CSMD3: variants seen among roughly 807,000 people sequenced by gnomAD.
CSMD3 encodes the protein CUB and Sushi multiple domains 3.
A neutral mutation model predicts 435.2 loss-of-function variants in CSMD3; 177 were observed. That is an observed-to-expected ratio of 0.41 (90% CI 0.36 to 0.46). The LOEUF (loss-of-function observed/expected upper bound fraction) is 0.46, where lower values mean the gene tolerates loss of function less well. Ranked by LOEUF, CSMD3 falls within the 20% of genes least tolerant of loss-of-function variation. The probability of loss-of-function intolerance (pLI) is 0.34; values close to 1 mark genes in which losing one functional copy is unlikely to be tolerated. For missense variants in CSMD3, 4,265 were observed against 4,504.6 expected (o/e 0.95, Z 1.52); for synonymous variants, 1,656 against 1,520.5 (o/e 1.09, Z -2.07).
chr8:112,899,742 A>G (rs2082057827), intron 10 of CSMD3, among the ~76,000 whole-genome samples: 1 of 146,286 alleles, frequency 6.8e-6, no homozygotes, highest in Non-Finnish European at 1.5e-5. Flanking sequence ...ATTCTCCTTC[A>G]GGTAGGGACA....
chr8:113,368,562 T>G lies in CSMD3; in HGVS notation c.179-53769A>C, dbSNP rs116906031. ...TGTTAATGTGTTACCTTTCCTTATA[T>G]ATCACATTATCTTCCTAAAAACTCA... is the stretch of plus-strand genomic sequence containing the variant. On this transcript the variant is annotated intron_variant, in intron 1 of 70. Transcript: ENST00000297405. Among the ~76,000 whole-genome samples the G allele has an allele frequency of 6.2e-3, 949 of 152,248 alleles. 6 individuals carry two copies. The highest frequency in any genetic ancestry group is 8.9e-3 in the Non-Finnish European group (604 of 68,004).
chr8:113,005,395 C>A (rs534334898), intron 6 of CSMD3, among the ~76,000 whole-genome samples: 117 of 151,762 alleles, frequency 7.7e-4, no homozygotes, highest in Non-Finnish European at 1.4e-3. Context: ...AAATTAAGGC[C>A]ATATAGAATC....
intron 12 of CSMD3, among the ~76,000 whole-genome samples, chr8:112,818,038 T>C (rs1030203533): frequency 1.6e-4 from 25 of 151,844 alleles, no homozygotes; most frequent in African/African-American, 5.3e-4. Flanking sequence ...GCTTTGTAAC[T>C]GATTTTTTTT....
At chr8:112,390,478 C>A (rs1386843440) in intron 36 of CSMD3, among the ~76,000 whole-genome samples, 186 bp downstream of exon 36, 1 of 151,986 alleles carries the variant, frequency 6.6e-6, no homozygotes, top group Admixed American at 6.6e-5. Flanking sequence ...ATTGCTTATG[C>A]CATCTTGAAT....
chr8:112,974,681 A>ATT (rs1227102844), intron 7 of CSMD3, among the ~76,000 whole-genome samples: 2 of 151,862 alleles, frequency 1.3e-5, no homozygotes, highest in African/African-American at 4.8e-5. Flanking sequence ...TTAAAAATTC[A>ATT]TTTTAGAATG....
chr8:112,324,727 C>A (rs1823332646), intron 45 of CSMD3, among the ~76,000 whole-genome samples: 1 of 151,822 alleles, frequency 6.6e-6, no homozygotes, highest in Non-Finnish European at 1.5e-5. Flanking sequence ...AAGCTGAGAC[C>A]AATGGGAGGC....
chr8:112,527,935 C>T (rs1825140855), intron 27 of CSMD3, among the ~76,000 whole-genome samples: 1 of 152,088 alleles, frequency 6.6e-6, no homozygotes. Flanking sequence ...GGCATATTAA[C>T]ACTCTTCATA....
chr8:112,921,655 A>C lies in CSMD3; in HGVS notation c.1605T>G (p.Ala535=). ...TACACACAGGCCTGTGATCACTCCA[A>C]GCAGCAAAAACTTCAGCTATCCGTT... The part of the protein sequence containing the change: ...TCQRIAEVFA[A]WSDHRPVCKV... Residue 535 remains alanine (A), a synonymous_variant, in exon 10 of 71, where the codon GCT becomes GCG. Transcript: ENST00000297405. 6.2e-7 allele frequency: 1 copy of C among 1,612,968 alleles called. No individual in the cohort carries two copies. The highest frequency in any genetic ancestry group is 8.5e-7 in the Non-Finnish European group (1 of 1,179,198).
intron 1 of CSMD3, among the ~76,000 whole-genome samples, chr8:113,326,981 T>C (rs1039864419): frequency 2.6e-5 from 4 of 152,168 alleles, no homozygotes; most frequent in African/African-American, 9.6e-5. Flanking sequence ...TGTACCTAAG[T>C]TTGAAAGTTT....
chr8:112,363,801 A>G (rs948409458), intron 38 of CSMD3, among the ~76,000 whole-genome samples: 1 of 152,078 alleles, frequency 6.6e-6, no homozygotes, highest in Non-Finnish European at 1.5e-5. Context: ...ATAAAGATCA[A>G]TTACACTTAT....
intron 13 of CSMD3, among the ~76,000 whole-genome samples, chr8:112,739,195 A>C (rs187107683): frequency 6.6e-6 from 1 of 151,636 alleles, no homozygotes; most frequent in African/African-American, 2.4e-5. Flanking sequence ...GAAATAGAAA[A>C]CCCACTCTTT....
intron 3 of CSMD3, among the ~76,000 whole-genome samples, chr8:113,182,674 A>T (rs2092439426): frequency 6.6e-6 from 1 of 152,064 alleles, no homozygotes; most frequent in East Asian, 1.9e-4. Flanking sequence ...CCCTCAGGCC[A>T]TCAGGGACTC....
intron 5 of CSMD3, among the ~76,000 whole-genome samples, chr8:113,032,541 C>T (rs1310478198): frequency 6.6e-6 from 1 of 151,422 alleles, no homozygotes; most frequent in African/African-American, 2.4e-5. Context: ...AAGAGGTGAC[C>T]TGGCTTATTT....
chr8:113,339,932 T>A (rs1162948004), intron 1 of CSMD3, among the ~76,000 whole-genome samples: 1 of 152,052 alleles, frequency 6.6e-6, no homozygotes, highest in African/African-American at 2.4e-5. Flanking sequence ...ATTCAGCTAT[T>A]TGTAAATTAG....
At chr8:112,514,716 AGACT>A (rs1240199897) in intron 28 of CSMD3, among the ~76,000 whole-genome samples, 2 of 152,038 alleles carry the variant, frequency 1.3e-5, no homozygotes, top group African/African-American at 4.8e-5. Flanking sequence ...ACTTGCTATA[AGACT>A]GACTGTTTCT....
At chr8:112,531,087 T>G (rs890049466) in intron 27 of CSMD3, among the ~76,000 whole-genome samples, 2 of 151,882 alleles carry the variant, frequency 1.3e-5, no homozygotes, top group Non-Finnish European at 1.5e-5. Flanking sequence ...CCTAGCACAG[T>G]GCAGAGACAA....
At chr8:112,735,195 C>T (rs1236938079) in intron 13 of CSMD3, among the ~76,000 whole-genome samples, 1 of 152,032 alleles carries the variant, frequency 6.6e-6, no homozygotes, top group East Asian at 1.9e-4. Flanking sequence ...CTGGCTTGTT[C>T]TGTATATAGC....
intron 35 of CSMD3, among the ~76,000 whole-genome samples, chr8:112,393,952 A>G (rs1830655803): frequency 6.6e-6 from 1 of 151,092 alleles, no homozygotes; most frequent in Non-Finnish European, 1.5e-5. Context: ...CTTTCTAATC[A>G]CTGTCCCCCC....
chr8:113,091,002 T>G (rs1291699641), intron 5 of CSMD3, among the ~76,000 whole-genome samples: 2 of 152,078 alleles, frequency 1.3e-5, no homozygotes, highest in Non-Finnish European at 2.9e-5. Context: ...GAGTTCAATT[T>G]CTGGTCACTG....
Sources: gnomAD v4.1 joint callset for allele counts (sites outside exome capture counted in the v4.1 genomes callset) on GRCh38, gnomAD v4.1.1 for gene constraint, MANE v1.5 for transcripts, NCBI Gene and HGNC (gene_info 2026-07-23, HGNC 2026-07-21) for gene names.